BTBD9: variants seen among roughly 807,000 people sequenced by gnomAD.
The protein encoded by BTBD9 is BTB/POZ domain-containing protein 9.
Under a neutral mutation model 64.3 loss-of-function variants are expected in BTBD9, and 49 were observed. The ratio of observed to expected loss-of-function variants is 0.76; its 90% confidence interval spans 0.61 to 0.97. The LOEUF (loss-of-function observed/expected upper bound fraction) is 0.97. Among genes scored for constraint, BTBD9 ranks in the 50% least tolerant of loss-of-function variants. The pLI is 0.00. For synonymous variants in BTBD9, 260 were observed against 274.7 expected (o/e 0.95, Z 0.53); for missense variants, 598 against 762.1 (o/e 0.78, Z 2.53).
chr6:38,272,808 C>T (rs1203515859), intron 8 of BTBD9, among the ~76,000 whole-genome samples: 2 of 152,092 alleles, frequency 1.3e-5, no homozygotes. Context: ...ATTATATGCT[C>T]TTTATTATCT....
chr6:38,436,219 G>A (rs925172002), intron 6 of BTBD9, among the ~76,000 whole-genome samples: 2 of 151,728 alleles, frequency 1.3e-5, no homozygotes, highest in African/African-American at 2.4e-5. Context: ...GTAGAATGAG[G>A]AACACCCAAA....
chr6:38,317,993 G>A (rs1307491432), intron 7 of BTBD9, among the ~76,000 whole-genome samples: 1 of 147,068 alleles, frequency 6.8e-6, no homozygotes, highest in Non-Finnish European at 1.5e-5. Flanking sequence ...GGAGTGCAGT[G>A]GCGTGATCTC....
chr6:38,278,092 A>C (rs192615433), intron 8 of BTBD9, among the ~76,000 whole-genome samples: 2 of 152,352 alleles, frequency 1.3e-5, no homozygotes, highest in Admixed American at 6.5e-5. Flanking sequence ...CTTGGCTGGT[A>C]GGCTTTTATC....
At chr6:38,549,206 G>A (rs1774689624) in intron 6 of BTBD9, among the ~76,000 whole-genome samples, 1 of 152,204 alleles carries the variant, frequency 6.6e-6, no homozygotes, top group African/African-American at 2.4e-5. Flanking sequence ...ACGCTGGTAA[G>A]ATAAAACATG....
At chr6:38,332,405 C>A (rs960191201) in intron 7 of BTBD9, among the ~76,000 whole-genome samples, 1 of 152,056 alleles carries the variant, frequency 6.6e-6, no homozygotes, top group Admixed American at 6.5e-5. Flanking sequence ...CTGTGTTATC[C>A]TTCGGTTCTT....
intron 6 of BTBD9, among the ~76,000 whole-genome samples, chr6:38,358,543 AG>A (rs1291236966): frequency 1.3e-5 from 2 of 152,136 alleles, no homozygotes; most frequent in Middle Eastern, 3.2e-3. Flanking sequence ...AATACCTCAT[AG>A]GTATGGGGAG....
Position 38,567,605 on chromosome 6 carries a change from C to A in BTBD9, c.1154+9995G>T, listed in dbSNP as rs192344061. On this transcript the variant is annotated intron_variant, in intron 6 of 10. Coordinates refer to ENST00000481247, the MANE Select transcript of BTBD9 (RefSeq NM_001099272.2). ...AGGGATTGAGCCCTCTATTTTCATACTGGGAGATGAATTTTTAGAAGATGA... is the reference window on the plus strand; with the variant it reads ...AGGGATTGAGCCCTCTATTTTCATAATGGGAGATGAATTTTTAGAAGATGA... 1.3e-3 allele frequency among the ~76,000 whole-genome samples: 192 copies of A among 152,274 alleles called. 1 individual carries two copies. Among genetic ancestry groups the A allele is most frequent in the Admixed American group, 2.3e-3 (35 of 15,292 alleles).
At chr6:38,489,275 G>A (rs184747527) in intron 6 of BTBD9, among the ~76,000 whole-genome samples, 48 of 152,130 alleles carry the variant, frequency 3.2e-4, no homozygotes, top group Non-Finnish European at 6.6e-4. Context: ...AGACCAGCCT[G>A]GGAAACATAG....
intron 7 of BTBD9, among the ~76,000 whole-genome samples, chr6:38,297,085 C>A (rs151295574): frequency 6.6e-6 from 1 of 152,080 alleles, no homozygotes; most frequent in Non-Finnish European, 1.5e-5. Flanking sequence ...AAATCTCCTG[C>A]GGTCAGGCGC....
At chr6:38,540,008 T>C (rs1442321782) in intron 6 of BTBD9, among the ~76,000 whole-genome samples, 5 of 152,180 alleles carry the variant, frequency 3.3e-5, no homozygotes. Context: ...ATTAGTGCTT[T>C]TTCCTTAAAA....
At chr6:38,461,423 G>T (rs1049058649) in intron 6 of BTBD9, among the ~76,000 whole-genome samples, 1 of 152,140 alleles carries the variant, frequency 6.6e-6, no homozygotes, top group Non-Finnish European at 1.5e-5. Flanking sequence ...CATACAGTAT[G>T]TATTATTTTT....
At chr6:38,305,343 G>A (rs1294158693) in intron 7 of BTBD9, among the ~76,000 whole-genome samples, 1 of 152,148 alleles carries the variant, frequency 6.6e-6, no homozygotes, top group Non-Finnish European at 1.5e-5. Context: ...CTAAAAGTCT[G>A]CCCCACATGC....
chr6:38,351,504 GTTGTTTTTTTTT>G (rs1764508422), intron 6 of BTBD9, among the ~76,000 whole-genome samples: 1 of 96,696 alleles, frequency 1.0e-5, no homozygotes. Context: ...TTTAATTGTT[GTTGTTTTTTTTT>G]TTTTTTTTTT....
At chr6:38,195,008 A>G (rs1762227617) in intron 9 of BTBD9, among the ~76,000 whole-genome samples, 1 of 152,248 alleles carries the variant, frequency 6.6e-6, no homozygotes, top group African/African-American at 2.4e-5. Context: ...AGAGTTGAAT[A>G]TATGATTTCA....
chr6:38,562,963 C>A lies in BTBD9; in HGVS notation c.1154+14637G>T, dbSNP rs774826023. ...TAAAACTGCTCCTGCCAAGGTGAAC[C>A]ATGCACTGAGTGTTGCCAGGGCTGA... On this transcript the variant is annotated intron_variant, in intron 6 of 10. Transcript: ENST00000481247. Among the ~76,000 whole-genome samples the A allele has an allele frequency of 1.3e-3, 202 of 152,314 alleles. 2 individuals are homozygous for A. The highest frequency in any genetic ancestry group is 3.8e-3 in the Admixed American group (58 of 15,300).
At chr6:38,235,339 G>C (rs1006054803) in intron 9 of BTBD9, among the ~76,000 whole-genome samples, 1 of 152,202 alleles carries the variant, frequency 6.6e-6, no homozygotes, top group African/African-American at 2.4e-5. Context: ...TGGAGGGTCA[G>C]AGCAAGGACT....
At chr6:38,568,278 A>C (rs1775611116) in intron 6 of BTBD9, among the ~76,000 whole-genome samples, 2 of 152,206 alleles carry the variant, frequency 1.3e-5, no homozygotes, top group Non-Finnish European at 2.9e-5. Context: ...TTCACACACA[A>C]AAAATCTGTA....
chr6:38,621,465 T>C (rs970681299), intron 1 of BTBD9, among the ~76,000 whole-genome samples: 3 of 152,156 alleles, frequency 2.0e-5, no homozygotes, highest in South Asian at 2.1e-4. Context: ...TTGTGGAGAA[T>C]GGGATGCGAA....
intron 6 of BTBD9, among the ~76,000 whole-genome samples, chr6:38,357,620 G>A (rs574698595): frequency 6.6e-6 from 1 of 152,302 alleles, no homozygotes; most frequent in East Asian, 1.9e-4. Flanking sequence ...TTTGAGCAGA[G>A]GTCTTTGCTG....
Sources: gnomAD v4.1 joint callset for allele counts (sites outside exome capture counted in the v4.1 genomes callset) on GRCh38, gnomAD v4.1.1 for gene constraint, MANE v1.5 for transcripts, NCBI Gene and HGNC (gene_info 2026-07-23, HGNC 2026-07-21) for gene names.